Variants in ATP6V1C1 observed in about 807,000 individuals in gnomAD.
ATP6V1C1 encodes the protein V-type proton ATPase subunit C 1.
A neutral mutation model predicts 53.9 loss-of-function variants in ATP6V1C1; 45 were observed. The ratio of observed to expected loss-of-function variants is 0.83; its 90% confidence interval spans 0.66 to 1.07. The LOEUF is 1.07. Among genes scored for constraint, ATP6V1C1 ranks in the 50% least tolerant of loss-of-function variants. ATP6V1C1 has a pLI of 0.00. For synonymous variants in ATP6V1C1, 153 were observed against 155.2 expected (o/e 0.99, Z 0.11); for missense variants, 315 against 440.3 (o/e 0.72, Z 2.55).
chr8:103,063,910 A>G (rs1279586530), intron 10 of ATP6V1C1, among the ~76,000 whole-genome samples: 1 of 152,240 alleles, frequency 6.6e-6, no homozygotes, highest in Non-Finnish European at 1.5e-5. Flanking sequence ...TTTATAAGCC[A>G]TATCATCTCA....
At chr8:103,032,533 G>T (rs1202348950) in intron 1 of ATP6V1C1, among the ~76,000 whole-genome samples, 2 of 151,606 alleles carry the variant, frequency 1.3e-5, no homozygotes. Flanking sequence ...GTCCAGGCTG[G>T]AGTGCAGTGG....
At chr8:103,043,133 T>C (rs551169265) in intron 3 of ATP6V1C1, among the ~76,000 whole-genome samples, 3 of 152,186 alleles carry the variant, frequency 2.0e-5, no homozygotes, top group South Asian at 4.1e-4. Flanking sequence ...TTCTGGGTCA[T>C]ATGGTAACTC....
chr8:103,039,985 A>G (rs758802759), intron 1 of ATP6V1C1, among the ~76,000 whole-genome samples: 1 of 152,138 alleles, frequency 6.6e-6, no homozygotes, highest in Non-Finnish European at 1.5e-5. Context: ...TAGGTTGACT[A>G]TGGATTAGAA....
intron 4 of ATP6V1C1, among the ~76,000 whole-genome samples, chr8:103,050,724 A>T (rs1817185726): frequency 6.7e-6 from 1 of 148,450 alleles, no homozygotes; most frequent in African/African-American, 2.4e-5. Flanking sequence ...CTTATTGAGG[A>T]GATAATTTGA....
At chr8:103,052,898 G>C (rs1817225213) in intron 6 of ATP6V1C1, 76 bp downstream of exon 6, 1 of 883,216 alleles carries the variant, frequency 1.1e-6, no homozygotes, top group East Asian at 2.9e-5. Flanking sequence ...ATATTGTTGG[G>C]ATTTAGTTAG....
At chr8:103,057,359 C>T (rs1817305729) in intron 8 of ATP6V1C1, among the ~76,000 whole-genome samples, 1 of 152,164 alleles carries the variant, frequency 6.6e-6, no homozygotes, top group South Asian at 2.1e-4. Context: ...TTGCAGAAGG[C>T]AACTAATCAG....
At position 103,067,324 on chromosome 8, in the gene ATP6V1C1, C is replaced by T. The variant is rs572603825; in HGVS notation, c.1053+877C>T. On this transcript the variant is annotated intron_variant, in intron 12 of 12. Transcript: ENST00000518738. ...TGAGGCAGGAGAATCGCTTGAACCTCGGGGGGTGGTTGCAGTGAGCCAAGA... is the reference window on the plus strand; with the variant it reads ...TGAGGCAGGAGAATCGCTTGAACCTTGGGGGGTGGTTGCAGTGAGCCAAGA... Among the ~76,000 whole-genome samples the T allele has an allele frequency of 4.0e-4, 56 of 141,428 alleles. No individual in the cohort carries two copies. The East Asian group carries it at 0.011, about 29-fold the overall frequency. The allele number at this position is 141,428 out of a possible 152,430, so 92.8% of individuals were successfully genotyped here.
At chr8:103,037,312 C>T (rs909541633) in intron 1 of ATP6V1C1, among the ~76,000 whole-genome samples, 15 of 151,702 alleles carry the variant, frequency 9.9e-5, no homozygotes, top group South Asian at 2.1e-4. Context: ...TATTGACCCC[C>T]GAAATACTTT....
intron 12 of ATP6V1C1, among the ~76,000 whole-genome samples, chr8:103,068,294 T>C (rs761525027): frequency 5.9e-4 from 90 of 152,238 alleles, no homozygotes; most frequent in Non-Finnish European, 1.0e-3. Context: ...TTATTTTTAC[T>C]CCATATTTTG....
At chr8:103,062,120 A>C (rs1324185141) in intron 8 of ATP6V1C1, among the ~76,000 whole-genome samples, 1 of 145,674 alleles carries the variant, frequency 6.9e-6, no homozygotes. Flanking sequence ...GCATACAGGC[A>C]CTTTTATTCA....
chr8:103,033,462 T>C (rs1299802854), intron 1 of ATP6V1C1, among the ~76,000 whole-genome samples: 1 of 152,182 alleles, frequency 6.6e-6, no homozygotes, highest in Non-Finnish European at 1.5e-5. Flanking sequence ...TCAGCAAATA[T>C]CTTCTGAGAT....
At chr8:103,062,165 T>G (rs892302694) in intron 8 of ATP6V1C1, among the ~76,000 whole-genome samples, 2 of 116,160 alleles carry the variant, frequency 1.7e-5, no homozygotes, top group Non-Finnish European at 3.7e-5. Context: ...ATCAGGGTTT[T>G]TTTTTTTTTT....
chr8:103,054,574 A>G (rs183903415), intron 7 of ATP6V1C1, among the ~76,000 whole-genome samples: 33 of 152,206 alleles, frequency 2.2e-4, no homozygotes, highest in Non-Finnish European at 4.1e-4. Flanking sequence ...AGGCTTGGCT[A>G]TGGGCATAGT....
intron 1 of ATP6V1C1, among the ~76,000 whole-genome samples, chr8:103,032,551 C>T (rs540739685): frequency 6.6e-6 from 1 of 152,076 alleles, no homozygotes; most frequent in East Asian, 1.9e-4. Context: ...TGGCATGGCT[C>T]ACTGCAACCT....
At chr8:103,037,845 GCTCCTTTCTCCT>G (rs1304916450) in intron 1 of ATP6V1C1, among the ~76,000 whole-genome samples, 1 of 152,108 alleles carries the variant, frequency 6.6e-6, no homozygotes, top group African/African-American at 2.4e-5. Flanking sequence ...CAAAACTAAA[GCTCCTTTCTCCT>G]ATGCATATTT....
chr8:103,052,837 T>C lies in ATP6V1C1; in HGVS notation c.473+15T>C. ...CGAAAGAATGCGTAAGCAGATCAAGTATATTTGAGTACTAAGAACTGGGGA... is the reference window on the plus strand; with the variant it reads ...CGAAAGAATGCGTAAGCAGATCAAGCATATTTGAGTACTAAGAACTGGGGA... On this transcript the variant is annotated intron_variant, in intron 6 of 12. Transcript: ENST00000518738. 2 of 1,509,018 alleles carry C rather than the reference T, an allele frequency of 1.3e-6. No homozygotes were observed. The highest frequency in any genetic ancestry group is 1.2e-5 in the South Asian group (1 of 81,726). The allele number at this position is 1,509,018 out of a possible 1,614,324, so 93.5% of individuals were successfully genotyped here.
rs944647434 is a variant in ATP6V1C1 at position 103,032,052 on chromosome 8, C to T, written c.-39-8746C>T. On this transcript the variant is annotated intron_variant, in intron 1 of 12. Coordinates refer to ENST00000518738, the MANE Select transcript of ATP6V1C1 (RefSeq NM_001695.5). The stretch of plus-strand genomic sequence containing the variant: ...AAAAAAAACCCAAAAACTGATAAAT[C>T]GGACATTGGCAGAATTGCAAACTTC... 2.6e-5 allele frequency among the ~76,000 whole-genome samples: 4 copies of T among 151,548 alleles called. No homozygotes were observed. In the East Asian group the frequency reaches 5.8e-4, roughly 22 times the overall value.
chr8:103,049,500 C>G (rs1360150746), intron 4 of ATP6V1C1, among the ~76,000 whole-genome samples: 2 of 152,158 alleles, frequency 1.3e-5, no homozygotes, highest in Admixed American at 1.3e-4. Context: ...ATAGAGTTTG[C>G]TCTATGTAGT....
intron 12 of ATP6V1C1, among the ~76,000 whole-genome samples, chr8:103,068,341 CA>C (rs1456853990): frequency 6.6e-6 from 1 of 152,086 alleles, no homozygotes; most frequent in Non-Finnish European, 1.5e-5. Context: ...ATTCTAAGTC[CA>C]AGATTTAAAA....
Sources: allele counts gnomAD v4.1 joint callset (sites outside exome capture counted in the v4.1 genomes callset), GRCh38; gene constraint gnomAD v4.1.1; transcripts MANE v1.5; gene names NCBI Gene and HGNC (gene_info 2026-07-23, HGNC 2026-07-21).